The following HSPBAP1 variants were observed in gnomAD, a reference collection of about 807,000 sequenced individuals.
HSPBAP1 encodes HSPB1-associated protein 1.
In HSPBAP1, 27 loss-of-function variants were observed where a neutral mutation model predicts 45.2. The ratio of observed to expected loss-of-function variants is 0.60; its 90% CI spans 0.44 to 0.82. HSPBAP1 has a LOEUF of 0.82. Ranked by LOEUF, HSPBAP1 falls within the 40% of genes least tolerant of loss-of-function variation. HSPBAP1 has a pLI of 0.00. For missense variants in HSPBAP1, 510 were observed against 590.9 expected (o/e 0.86, Z 1.42); for synonymous variants, 204 against 202.7 (o/e 1.01, Z -0.06).
chr3:122,755,094 T>C (rs1259709553), intron 5 of HSPBAP1, 166 bp downstream of exon 5: 1 of 1,231,860 alleles, frequency 8.1e-7, no homozygotes, highest in African/African-American at 1.6e-5. Flanking sequence ...GGTGTATGTG[T>C]CTGAAGCCTA....
Position 122,752,606 on chromosome 3 carries a change from G to A in HSPBAP1, c.810C>T (p.Asn270=), listed in dbSNP as rs778379928. The A allele has an allele frequency of 1.9e-5, 30 of 1,582,190 alleles. No individual in the cohort carries two copies. The highest frequency in any genetic ancestry group is 1.1e-4 in the Admixed American group (6 of 55,900). ...ESIDPVTVSI[N]SWIELEEDHL... ...GAAAAAGTACCAGTTCAATCCATGA[G>A]TTTATACTGACAGTGACAGGATCAA... Residue 270 remains asparagine (N), a synonymous_variant, in exon 6 of 8, where the codon AAC becomes AAT. Transcript: ENST00000306103.
chr3:122,779,918 G>C (rs903543775), intron 1 of HSPBAP1, among the ~76,000 whole-genome samples: 1 of 151,976 alleles, frequency 6.6e-6, no homozygotes, highest in African/African-American at 2.4e-5. Context: ...TTTCTACACA[G>C]ACACGGCAAC....
At chr3:122,741,305 A>C (rs1386348805) in intron 6 of HSPBAP1, 192 bp from the exon 7 acceptor site, 1 of 580,868 alleles carries the variant, frequency 1.7e-6, no homozygotes, top group Admixed American at 3.0e-5. Context: ...GAGCTGCAGA[A>C]TATTTCACCA....
chr3:122,783,715 C>T (rs1935564832), intron 1 of HSPBAP1, among the ~76,000 whole-genome samples: 1 of 152,144 alleles, frequency 6.6e-6, no homozygotes, highest in Admixed American at 6.5e-5. Flanking sequence ...GGAAAAGTGA[C>T]TGGGAAGTTA....
intron 2 of HSPBAP1, among the ~76,000 whole-genome samples, 185 bp from the exon 3 acceptor site, chr3:122,769,067 A>T (rs1934889391): frequency 6.6e-6 from 1 of 152,170 alleles, no homozygotes; most frequent in African/African-American, 2.4e-5. Context: ...TGAGGCAGGA[A>T]GATGGCTTGA....
chr3:122,790,985 C>T (rs930132462), intron 1 of HSPBAP1, among the ~76,000 whole-genome samples: 2 of 152,126 alleles, frequency 1.3e-5, no homozygotes, highest in African/African-American at 4.8e-5. Context: ...TCAGTTTCAA[C>T]ATCAGTTACT....
At chr3:122,759,198 C>CACAA (rs762289851) in intron 4 of HSPBAP1, 26 bp downstream of exon 4, 5 of 1,571,540 alleles carry the variant, frequency 3.2e-6, no homozygotes, top group Non-Finnish European at 3.5e-6. Flanking sequence ...CACACACACA[C>CACAA]ACACACACAC....
chr3:122,778,518 T>TA (rs200992962), intron 1 of HSPBAP1, among the ~76,000 whole-genome samples: 27 of 98,466 alleles, frequency 2.7e-4, no homozygotes, highest in African/African-American at 8.0e-4. Context: ...ATTTCTTTTT[T>TA]TTTTATTTTT....
chr3:122,752,767 G>A, intron 5 of HSPBAP1, 93 bp from the exon 6 acceptor site: 2 of 1,410,740 alleles, frequency 1.4e-6, no homozygotes, highest in East Asian at 2.6e-5. Flanking sequence ...AGGAAAAAAA[G>A]GAATACAAAT....
At chr3:122,758,779 C>T (rs1934445861) in intron 4 of HSPBAP1, 1 of 454,774 alleles carries the variant, frequency 2.2e-6, no homozygotes, top group Admixed American at 2.4e-5. Flanking sequence ...CACCTGTAGT[C>T]CTAGATACTT....
chr3:122,767,027 T>C (rs1934806646), intron 3 of HSPBAP1, among the ~76,000 whole-genome samples: 1 of 152,136 alleles, frequency 6.6e-6, no homozygotes, highest in Non-Finnish European at 1.5e-5. Context: ...CAAAACACTT[T>C]TAAAGTTAAC....
chr3:122,777,959 T>C (rs532245240), intron 1 of HSPBAP1, 53 bp from the exon 2 acceptor site: 16 of 1,223,424 alleles, frequency 1.3e-5, no homozygotes, highest in Admixed American at 2.1e-5. Context: ...AGTTTTTTCA[T>C]ACAATATGGA....
chr3:122,780,491 G>A (rs1302719192), intron 1 of HSPBAP1, among the ~76,000 whole-genome samples: 1 of 125,820 alleles, frequency 7.9e-6, no homozygotes, highest in South Asian at 2.5e-4. Flanking sequence ...GGACGGGGCA[G>A]CTGGCCGGGC....
intron 6 of HSPBAP1, among the ~76,000 whole-genome samples, chr3:122,746,633 TCCTCTCC>T (rs142979651): frequency 3.3e-5 from 5 of 150,642 alleles, no homozygotes; most frequent in African/African-American, 7.3e-5. Context: ...CCTCTCTCTC[TCCTCTCC>T]CCTCTCCCCT....
At chr3:122,779,040 C>CA (rs1553756354) in intron 1 of HSPBAP1, among the ~76,000 whole-genome samples, 1 of 146,750 alleles carries the variant, frequency 6.8e-6, no homozygotes, top group East Asian at 2.0e-4. Flanking sequence ...CTTTCTTTTT[C>CA]TTTTTTTTTT....
chr3:122,789,911 G>GT (rs11444214), intron 1 of HSPBAP1, among the ~76,000 whole-genome samples: 2 of 149,110 alleles, frequency 1.3e-5, no homozygotes, highest in African/African-American at 2.5e-5. Flanking sequence ...TGCTCAGGCT[G>GT]GAGTGCCATA....
At position 122,740,844 on chromosome 3, in the gene HSPBAP1, C is replaced by T; in HGVS notation, c.968G>A (p.Cys323Tyr). The T allele has an allele frequency of 6.2e-7, 1 of 1,614,172 alleles. No homozygotes were observed. The highest frequency in any genetic ancestry group is 8.5e-7 in the Non-Finnish European group (1 of 1,180,036). Residue 323 changes from cysteine (C) to tyrosine (Y), a missense_variant, in exon 8 of 8, where the codon TGC becomes TAC. Physicochemically the swap from Cys to Tyr is radical, Grantham distance 194. Transcript: ENST00000306103. ...VEETSHAVNC[C>Y]YLNAAVSAFF... ...TGCAGAAACAGCTGCATTTAAGTAG[C>T]AACAGTTGACTGCATGGGACGTTTC...
chr3:122,755,024 T>C, intron 5 of HSPBAP1: 4 of 1,185,796 alleles, frequency 3.4e-6, no homozygotes, highest in South Asian at 4.2e-5. Context: ...TTCTCCTCTT[T>C]ACCAATAGGA....
At chr3:122,789,864 C>CTT (rs368711372) in intron 1 of HSPBAP1, among the ~76,000 whole-genome samples, 3,175 of 137,086 alleles carry the variant, frequency 0.023, 88 homozygotes, top group African/African-American at 0.062. Context: ...GCCAAAGCTT[C>CTT]TTTTTTTTTT....
Sources: allele counts gnomAD v4.1 joint callset (sites outside exome capture counted in the v4.1 genomes callset), GRCh38; gene constraint gnomAD v4.1.1; transcripts MANE v1.5; gene names NCBI Gene and HGNC (gene_info 2026-07-23, HGNC 2026-07-21).